The following MEI4 variants were observed in gnomAD, a reference collection of about 807,000 sequenced individuals.
MEI4 encodes the protein meiosis-specific protein MEI4.
A neutral mutation model predicts 31.4 loss-of-function variants in MEI4; 27 were observed. The observed-to-expected ratio is 0.86, with a 90% CI of 0.63 to 1.19. MEI4 has a LOEUF of 1.19. MEI4 is among the 50% of genes most tolerant of loss of function. MEI4 has a pLI of 0.00. For synonymous variants in MEI4, 122 were observed against 145.4 expected (o/e 0.84, Z 1.16); for missense variants, 329 against 398.9 (o/e 0.82, Z 1.49).
chr6:77,870,928 T>C (rs1347551377), intron 4 of MEI4, among the ~76,000 whole-genome samples: 1 of 152,052 alleles, frequency 6.6e-6, no homozygotes, highest in East Asian at 1.9e-4. Context: ...GTAGGTTTGG[T>C]TTGAGGGAGA....
At chr6:77,835,019 A>C (rs1017639510) in intron 4 of MEI4, among the ~76,000 whole-genome samples, 1 of 151,956 alleles carries the variant, frequency 6.6e-6, no homozygotes, top group African/African-American at 2.4e-5. Context: ...GTTCCAAGAG[A>C]GTTTTTGACT....
intron 2 of MEI4, among the ~76,000 whole-genome samples, chr6:77,703,018 T>C (rs1766258897): frequency 1.3e-5 from 2 of 152,220 alleles, no homozygotes; most frequent in Non-Finnish European, 2.9e-5. Flanking sequence ...TTCTGTACTT[T>C]TTTATATGTG....
At chr6:77,843,553 A>G (rs1232789195) in intron 4 of MEI4, among the ~76,000 whole-genome samples, 1 of 151,890 alleles carries the variant, frequency 6.6e-6, no homozygotes, top group Non-Finnish European at 1.5e-5. Context: ...AAAAACTATT[A>G]CAGAACAAGT....
chr6:77,713,433 A>G (rs1431745268), intron 2 of MEI4, among the ~76,000 whole-genome samples: 1 of 152,126 alleles, frequency 6.6e-6, no homozygotes, highest in Non-Finnish European at 1.5e-5. Flanking sequence ...TATATAAACA[A>G]CTGAATCTAG....
rs537107944 is a variant in MEI4 at position 77,925,762 on chromosome 6, AAT to A, written c.*2421_*2422del. ...ATACTATTTAATATAAGCTATAATA[AAT>A]ATATGATAATATATTTTATATGAGA... On this transcript the variant is annotated 3_prime_UTR_variant, in exon 5 of 5. Coordinates refer to ENST00000684080, the MANE Select transcript of MEI4 (RefSeq NM_001322247.2). The A allele has an allele frequency of 6.1e-4, 91 of 148,228 alleles. No homozygotes were observed. Among genetic ancestry groups the A allele is most frequent in the African/African-American group, 2.1e-3 (84 of 40,708 alleles). 9.2% of individuals were successfully genotyped at this position (148,228 alleles called of 1,614,324 possible).
intron 2 of MEI4, among the ~76,000 whole-genome samples, chr6:77,696,381 A>G (rs928040561): frequency 2.7e-4 from 41 of 152,190 alleles, no homozygotes; most frequent in African/African-American, 9.6e-4. Context: ...TGCCCATTCA[A>G]TATGATATTG....
At chr6:77,821,201 G>A (rs377528957) in intron 3 of MEI4, among the ~76,000 whole-genome samples, 13 of 151,406 alleles carry the variant, frequency 8.6e-5, no homozygotes, top group South Asian at 2.1e-4. Context: ...TCTATATTCC[G>A]TATCAGATAA....
At chr6:77,713,368 A>G (rs963770925) in intron 2 of MEI4, among the ~76,000 whole-genome samples, 5 of 152,004 alleles carry the variant, frequency 3.3e-5, no homozygotes, top group Non-Finnish European at 7.4e-5. Flanking sequence ...GAACCTAAGA[A>G]TTTTTTTGTT....
chr6:77,770,196 T>G (rs1480012978), intron 3 of MEI4, among the ~76,000 whole-genome samples: 1 of 152,030 alleles, frequency 6.6e-6, no homozygotes, highest in Non-Finnish European at 1.5e-5. Context: ...TTTGAACAAC[T>G]ATATGCCAGT....
chr6:77,790,168 C>A (rs1297930118), intron 3 of MEI4, among the ~76,000 whole-genome samples: 1 of 149,418 alleles, frequency 6.7e-6, no homozygotes, highest in African/African-American at 2.5e-5. Flanking sequence ...AAAGCAAACA[C>A]CGCATGTTCT....
chr6:77,732,785 A>T (rs1434322382), intron 2 of MEI4, among the ~76,000 whole-genome samples: 1 of 152,050 alleles, frequency 6.6e-6, no homozygotes, highest in Non-Finnish European at 1.5e-5. Flanking sequence ...AGCTCTTATT[A>T]TTTTGAAATA....
intron 2 of MEI4, among the ~76,000 whole-genome samples, chr6:77,753,001 A>G (rs941214561): frequency 6.6e-6 from 1 of 152,220 alleles, no homozygotes; most frequent in Non-Finnish European, 1.5e-5. Flanking sequence ...AGAAATGGGG[A>G]AAGGATTCCC....
At chr6:77,737,176 T>G (rs1378300391) in intron 2 of MEI4, among the ~76,000 whole-genome samples, 1 of 152,198 alleles carries the variant, frequency 6.6e-6, no homozygotes, top group African/African-American at 2.4e-5. Flanking sequence ...ATTTATTGAG[T>G]GTATGCTGTG....
At chr6:77,858,084 A>G (rs973458599) in intron 4 of MEI4, among the ~76,000 whole-genome samples, 2 of 152,230 alleles carry the variant, frequency 1.3e-5, no homozygotes, top group African/African-American at 2.4e-5. Context: ...CATATCTACA[A>G]TGAATGAAGT....
chr6:77,862,617 C>T (rs1260338819), intron 4 of MEI4, among the ~76,000 whole-genome samples: 4 of 152,184 alleles, frequency 2.6e-5, no homozygotes, highest in Non-Finnish European at 4.4e-5. Context: ...CTCAAGGAGG[C>T]CTGCCTGCCT....
chr6:77,698,567 C>A (rs141071006), intron 2 of MEI4, among the ~76,000 whole-genome samples: 3,454 of 152,252 alleles, frequency 0.023, 134 homozygotes, highest in African/African-American at 0.078. Context: ...GTTGAAAATT[C>A]TTTTCTTTAA....
chr6:77,685,329 T>TTTA (rs1769034905), intron 1 of MEI4, among the ~76,000 whole-genome samples: 1 of 151,194 alleles, frequency 6.6e-6, no homozygotes, highest in African/African-American at 2.4e-5. Context: ...TTTTTTTTTT[T>TTTA]GCTGCACAGA....
intron 4 of MEI4, among the ~76,000 whole-genome samples, chr6:77,883,745 A>ATATATATTTTTAT (rs55947073): frequency 1.2e-5 from 1 of 82,302 alleles, no homozygotes; most frequent in African/African-American, 5.0e-5. Context: ...TATATATATA[A>ATATATATTTTTAT]CTTTGTCTTT....
At chr6:77,730,190 G>C (rs942957066) in intron 2 of MEI4, among the ~76,000 whole-genome samples, 1 of 152,080 alleles carries the variant, frequency 6.6e-6, no homozygotes, top group East Asian at 1.9e-4. Flanking sequence ...TGTATAGGGG[G>C]CACTGAATTG....
Sources: allele counts gnomAD v4.1 joint callset (sites outside exome capture counted in the v4.1 genomes callset), GRCh38; gene constraint gnomAD v4.1.1; transcripts MANE v1.5; gene names NCBI Gene and HGNC (gene_info 2026-07-23, HGNC 2026-07-21).